IL1RL1: variants seen among roughly 807,000 people sequenced by gnomAD.
IL1RL1 encodes interleukin 1 receptor like 1, also known as interleukin-1 receptor-like 1.
IL1RL1 carries 32 observed loss-of-function variants against 50.9 expected under a neutral mutation model. That is an observed-to-expected ratio of 0.63 (90% CI 0.47 to 0.84). The LOEUF is 0.84. Ranked by LOEUF, IL1RL1 falls within the 40% of genes least tolerant of loss-of-function variation. The pLI is 0.00. For missense variants in IL1RL1, 773 were observed against 662.9 expected, an observed-to-expected ratio of 1.17 and a Z score of -1.82; for synonymous variants, 275 against 236.0, an observed-to-expected ratio of 1.17 and a Z score of -1.51.
rs565632748 is a variant in IL1RL1, at chr2:102,325,201, C to T, written c.-149-12915C>T. Among the ~76,000 whole-genome samples the T allele has an allele frequency of 4.4e-4, 67 of 152,290 alleles. No individual in the cohort carries two copies. In the South Asian group the frequency reaches 8.3e-3, roughly 19 times the overall value. On this transcript the variant is annotated intron_variant, in intron 1 of 10. Coordinates refer to ENST00000233954, the MANE Select transcript of IL1RL1 (RefSeq NM_016232.5). ...GCAACATTTGCTGTTCACCAATATCCGCTGTTCTGCAGCCTCTGCTGCTGA... is the reference window on the plus strand; with the variant it reads ...GCAACATTTGCTGTTCACCAATATCTGCTGTTCTGCAGCCTCTGCTGCTGA...
rs769555931 is a variant in IL1RL1 at position 102,343,261 on chromosome 2, C to A, written c.825-9C>A. The A allele has an allele frequency of 6.2e-7, 1 of 1,614,148 alleles. No homozygotes were observed. Among genetic ancestry groups the A allele is most frequent in the Non-Finnish European group, 8.5e-7 (1 of 1,180,018 alleles). ...AGTAGGCATTAAAAGTAACAGGTTGCTTTCTTAGTTTCAGCAATGGGCTGG... is the reference window on the plus strand; with the variant it reads ...AGTAGGCATTAAAAGTAACAGGTTGATTTCTTAGTTTCAGCAATGGGCTGG... On this transcript the variant is annotated splice_polypyrimidine_tract_variant and intron_variant, in intron 7 of 10. Transcript: ENST00000233954.
At chr2:102,345,862 C>T (rs1306524581) in intron 8 of IL1RL1, 4 of 985,238 alleles carry the variant, frequency 4.1e-6, no homozygotes, top group Non-Finnish European at 4.8e-6. Flanking sequence ...CCCAGTAGAC[C>T]CTGCAGCCAT....
intron 1 of IL1RL1, among the ~76,000 whole-genome samples, chr2:102,322,857 T>C (rs920173926): frequency 1.3e-5 from 2 of 152,196 alleles, no homozygotes; most frequent in African/African-American, 4.8e-5. Context: ...GATTATAATT[T>C]GCCTATTGTT....
At position 102,343,281 on chromosome 2, in the gene IL1RL1, G is replaced by A. The variant is rs1237808665; in HGVS notation, c.836G>A (p.Gly279Glu). 3 of 1,614,204 alleles carry A rather than the reference G, an allele frequency of 1.9e-6. No homozygotes were observed. Among genetic ancestry groups the A allele is most frequent in the East Asian group, 4.5e-5 (2 of 44,888 alleles). The change falls in exon 8 of 11, where the codon GGG (glycine) becomes GAG (glutamate). Residue 279 changes from glycine to glutamate, a missense_variant. Coordinates refer to ENST00000233954, the MANE Select transcript of IL1RL1 (RefSeq NM_016232.5). ...GGTTGCTTTCTTAGTTTCAGCAATG[G>A]GCTGGCTTGTCTAGACATGGTTTTA... ...EEGQNQSFSNGLACLDMVLRI... is the reference protein window; with the variant it reads ...EEGQNQSFSNELACLDMVLRI...
At chr2:102,318,472 T>C (rs1676743415) in intron 1 of IL1RL1, among the ~76,000 whole-genome samples, 1 of 152,182 alleles carries the variant, frequency 6.6e-6, no homozygotes, top group South Asian at 2.1e-4. Flanking sequence ...AGAACAGGGA[T>C]TCATTCTTGA....
At chr2:102,327,882 A>G (rs1418579731) in intron 1 of IL1RL1, among the ~76,000 whole-genome samples, 1 of 152,150 alleles carries the variant, frequency 6.6e-6, no homozygotes, top group African/African-American at 2.4e-5. Context: ...CAACCAAAAA[A>G]AGTCCAGGAC....
intron 1 of IL1RL1, among the ~76,000 whole-genome samples, chr2:102,319,191 G>T (rs1241929574): frequency 6.6e-6 from 1 of 151,518 alleles, no homozygotes; most frequent in Non-Finnish European, 1.5e-5. Flanking sequence ...TTTTTTAACT[G>T]AGGAGTCAAT....
At chr2:102,317,342 G>A (rs1968170) in intron 1 of IL1RL1, among the ~76,000 whole-genome samples, 72,719 of 151,732 alleles carry the variant, frequency 0.48, 17,716 homozygotes, top group Middle Eastern at 0.63. Context: ...TGACAGAGCC[G>A]GACTCTGTCT....
intron 1 of IL1RL1, among the ~76,000 whole-genome samples, chr2:102,318,877 G>T (rs1385242688): frequency 6.6e-6 from 1 of 152,226 alleles, no homozygotes; most frequent in East Asian, 1.9e-4. Flanking sequence ...ACAGCATAAA[G>T]ACATCATAAT....
intron 1 of IL1RL1, among the ~76,000 whole-genome samples, chr2:102,321,039 T>C (rs1452714723): frequency 1.3e-5 from 2 of 152,244 alleles, no homozygotes; most frequent in Non-Finnish European, 2.9e-5. Flanking sequence ...TCATGCCCTG[T>C]TGGCCATGTG....
At chr2:102,340,350 T>C (rs1677504091) in intron 4 of IL1RL1, 78 bp downstream of exon 4, 2 of 1,248,162 alleles carry the variant, frequency 1.6e-6, no homozygotes, top group Non-Finnish European at 2.2e-6. Context: ...CAGTGGCTCA[T>C]GCCTGTAATC....
chr2:102,339,194 A>T, intron 3 of IL1RL1, 147 bp downstream of exon 3: 1 of 622,290 alleles, frequency 1.6e-6, no homozygotes, highest in Non-Finnish European at 2.8e-6. Context: ...AGTGATTTGG[A>T]TAAACTTCTA....
intron 8 of IL1RL1, chr2:102,343,780 A>G (rs1391670991): frequency 2.7e-6 from 3 of 1,127,938 alleles, no homozygotes; most frequent in Non-Finnish European, 3.3e-6. Context: ...GTGCTCTTTT[A>G]TAACTTGCAT....
At chr2:102,331,629 G>C (rs1271914744) in intron 1 of IL1RL1, among the ~76,000 whole-genome samples, 6 of 152,190 alleles carry the variant, frequency 3.9e-5, no homozygotes, top group Non-Finnish European at 8.8e-5. Flanking sequence ...CTTCCGATAA[G>C]ATAAAAGAAA....
At chr2:102,328,483 A>G (rs1213249416) in intron 1 of IL1RL1, among the ~76,000 whole-genome samples, 1 of 152,202 alleles carries the variant, frequency 6.6e-6, no homozygotes, top group Admixed American at 6.5e-5. Flanking sequence ...CCTATTCAAC[A>G]TACTGTTGGA....
chr2:102,314,560 A>C (rs1006961476), intron 1 of IL1RL1, among the ~76,000 whole-genome samples: 13 of 152,220 alleles, frequency 8.5e-5, no homozygotes, highest in African/African-American at 3.1e-4. Flanking sequence ...ATCTAAGACC[A>C]CTTTTGTCTT....
intron 1 of IL1RL1, among the ~76,000 whole-genome samples, chr2:102,321,229 A>G (rs1676829879): frequency 6.6e-6 from 1 of 152,160 alleles, no homozygotes; most frequent in Admixed American, 6.5e-5. Flanking sequence ...ATCACACTCT[A>G]AGATCTTTTG....
chr2:102,343,089 T>C lies in IL1RL1; in HGVS notation c.736T>C (p.Leu246=), dbSNP rs958208369. The C allele has an allele frequency of 6.2e-7, 1 of 1,614,126 alleles. No individual in the cohort carries two copies. The change falls in exon 7 of 11, where the codon TTG becomes CTG. Residue 246 remains leucine, a synonymous_variant. Coordinates refer to ENST00000233954, the MANE Select transcript of IL1RL1 (RefSeq NM_016232.5). Reference sequence around the variant, plus strand: ...TTGTTTTGGAAAAGGCACTCAGTTCTTGGCTGCCGTCCTGTGGCAGCTTAA... The same window carrying C: ...TTGTTTTGGAAAAGGCACTCAGTTCCTGGCTGCCGTCCTGTGGCAGCTTAA... ...SACFGKGTQF[L]AAVLWQLNGT...
Position 102,351,609 on chromosome 2 carries a change from T to G in IL1RL1, c.1359T>G (p.Thr453=). ...TTTTCATCCTGACCCCTCAGATCAC[T>G]CACAATAAGGAGTTTGCCTACGAGC... The part of the protein sequence containing the change: ...RHIFILTPQI[T]HNKEFAYEQE... Residue 453 remains threonine (T), a synonymous_variant, in exon 11 of 11, where the codon ACT becomes ACG. Transcript: ENST00000233954. 1.9e-6 allele frequency: 3 copies of G among 1,614,100 alleles called. No individual in the cohort carries two copies. Among genetic ancestry groups the G allele is most frequent in the Non-Finnish European group, 2.5e-6 (3 of 1,179,990 alleles).
Sources: gnomAD v4.1 joint callset for allele counts (sites outside exome capture counted in the v4.1 genomes callset) on GRCh38, gnomAD v4.1.1 for gene constraint, MANE v1.5 for transcripts, NCBI Gene and HGNC (gene_info 2026-07-23, HGNC 2026-07-21) for gene names.